The following SDK1 variants were observed in gnomAD, a reference collection of about 807,000 sequenced individuals.
The protein encoded by SDK1 is sidekick cell adhesion molecule 1, also known as protein sidekick-1.
SDK1 carries 157 observed loss-of-function variants against 245.5 expected under a neutral mutation model. That is an observed-to-expected ratio of 0.64 (90% CI 0.56 to 0.73). SDK1 has a LOEUF of 0.73. Among genes scored for constraint, SDK1 ranks in the 30% least tolerant of loss-of-function variants. SDK1 has a pLI of 0.00. For missense variants in SDK1, 3,583 were observed against 3,002.3 expected (o/e 1.19, Z -4.52); for synonymous variants, 1,647 against 1,278.5 (o/e 1.29, Z -6.15).
chr7:3,778,508 T>C (rs1385767697), intron 4 of SDK1, among the ~76,000 whole-genome samples: 1 of 152,250 alleles, frequency 6.6e-6, no homozygotes, highest in Non-Finnish European at 1.5e-5. Flanking sequence ...AATGTTTTTG[T>C]TTCATCTAAC....
At chr7:3,983,815 C>G (rs1786001142) in intron 13 of SDK1, among the ~76,000 whole-genome samples, 1 of 152,026 alleles carries the variant, frequency 6.6e-6, no homozygotes, top group Non-Finnish European at 1.5e-5. Context: ...TGTGATTTAC[C>G]AAAATATCAC....
chr7:3,650,371 T>G (rs933078640), intron 4 of SDK1, among the ~76,000 whole-genome samples: 1 of 152,190 alleles, frequency 6.6e-6, no homozygotes, highest in African/African-American at 2.4e-5. Flanking sequence ...CTCCTTCCCC[T>G]AGTCCCTGGA....
At chr7:3,692,399 T>G (rs1011572354) in intron 4 of SDK1, among the ~76,000 whole-genome samples, 2 of 152,108 alleles carry the variant, frequency 1.3e-5, no homozygotes, top group Non-Finnish European at 2.9e-5. Flanking sequence ...ATTTAGAATT[T>G]GGGATCATAC....
chr7:3,504,182 A>ATGTG (rs56306302), intron 1 of SDK1, among the ~76,000 whole-genome samples: 3,085 of 131,908 alleles, frequency 0.023, 99 homozygotes, highest in African/African-American at 0.067. Context: ...ATATATATAT[A>ATGTG]TGTGTGTGTG....
chr7:4,083,633 T>TTTCC (rs376192792), intron 22 of SDK1, among the ~76,000 whole-genome samples: 1 of 38,324 alleles, frequency 2.6e-5, no homozygotes, highest in East Asian at 9.0e-4. Context: ...CCCTCCCTCC[T>TTTCC]TTCCTTCCTT....
chr7:4,096,911 G>T (rs968965564), intron 22 of SDK1, among the ~76,000 whole-genome samples: 1 of 152,212 alleles, frequency 6.6e-6, no homozygotes, highest in South Asian at 2.1e-4. Flanking sequence ...TGTAGCCCAG[G>T]AAGAGGCAGC....
At chr7:3,633,746 TC>T (rs1782372496) in intron 2 of SDK1, among the ~76,000 whole-genome samples, 1 of 152,200 alleles carries the variant, frequency 6.6e-6, no homozygotes, top group African/African-American at 2.4e-5. Context: ...TTTGAAGGGT[TC>T]TAAAACCACA....
chr7:4,242,210 A>G (rs1009520020), intron 43 of SDK1, among the ~76,000 whole-genome samples: 5 of 152,152 alleles, frequency 3.3e-5, no homozygotes, highest in Admixed American at 3.3e-4. Context: ...CTTCTGTGTC[A>G]ATCGCATGCA....
At chr7:3,983,685 AG>A (rs1436368363) in intron 13 of SDK1, among the ~76,000 whole-genome samples, 6 of 152,230 alleles carry the variant, frequency 3.9e-5, no homozygotes, top group African/African-American at 1.4e-4. Context: ...CTCTATCACA[AG>A]GCCCTTCACA....
intron 4 of SDK1, among the ~76,000 whole-genome samples, chr7:3,647,393 TC>T (rs2128654557): frequency 6.6e-6 from 1 of 152,314 alleles, no homozygotes; most frequent in East Asian, 1.9e-4. Context: ...GGCCAGAGTC[TC>T]TTGCAGTTTA....
At position 4,267,341 on chromosome 7, in the gene SDK1, T is replaced by C; in HGVS notation, c.*1957T>C. 1.0e-6 allele frequency: 1 copy of C among 963,118 alleles called. No homozygotes were observed. 59.7% of individuals were successfully genotyped at this position (963,118 alleles called of 1,614,324 possible). ...CTCCCTTCCTCTCTCCCCTATTCCT[T>C]CTTCCTTTTCTCCTCCTTTTTCTGA... On this transcript the variant is annotated 3_prime_UTR_variant, in exon 45 of 45. Coordinates refer to ENST00000404826, the MANE Select transcript of SDK1 (RefSeq NM_152744.4).
intron 1 of SDK1, among the ~76,000 whole-genome samples, chr7:3,531,853 A>G (rs954202558): frequency 2.0e-5 from 3 of 152,190 alleles, no homozygotes; most frequent in Non-Finnish European, 4.4e-5. Flanking sequence ...TTTGCGGTTC[A>G]GGTAAAAATA....
At chr7:3,619,314 A>C in intron 2 of SDK1, 75 bp downstream of exon 2, 1 of 1,232,158 alleles carries the variant, frequency 8.1e-7, no homozygotes, top group Non-Finnish European at 1.2e-6. Context: ...TGGTCATAAT[A>C]GCACAATGAG....
At chr7:3,969,220 C>G (rs200280961) in intron 10 of SDK1, 37 bp from the exon 11 acceptor site, 15 of 1,522,386 alleles carry the variant, frequency 9.9e-6, no homozygotes, top group East Asian at 2.4e-5. Context: ...TCAAGCGTTA[C>G]GACTGTAACA....
chr7:3,475,378 G>A (rs1172380932), intron 1 of SDK1, among the ~76,000 whole-genome samples: 2 of 152,140 alleles, frequency 1.3e-5, no homozygotes, highest in Non-Finnish European at 2.9e-5. Context: ...TCATTCTCCA[G>A]TCTTCCTCCT....
intron 1 of SDK1, among the ~76,000 whole-genome samples, chr7:3,453,416 C>T (rs564601189): frequency 2.2e-4 from 33 of 152,138 alleles, no homozygotes; most frequent in South Asian, 2.1e-4. Flanking sequence ...AAAGGGTCTT[C>T]GCAGATGTAA....
intron 1 of SDK1, among the ~76,000 whole-genome samples, chr7:3,406,568 T>G (rs1383387998): frequency 6.6e-6 from 1 of 152,184 alleles, no homozygotes; most frequent in African/African-American, 2.4e-5. Context: ...AGTTATTCTA[T>G]AGATCGTTTT....
intron 20 of SDK1, among the ~76,000 whole-genome samples, chr7:4,073,670 G>A (rs879286788): frequency 2.0e-5 from 3 of 152,210 alleles, no homozygotes; most frequent in Non-Finnish European, 4.4e-5. Context: ...GATTGACCAG[G>A]TGTGACCCAC....
rs902111929 is a variant in SDK1 at position 3,717,395 on chromosome 7, A to G, written c.713+75290A>G. 3.0e-4 allele frequency among the ~76,000 whole-genome samples: 46 copies of G among 152,346 alleles called. 1 individual carries two copies. Among genetic ancestry groups the G allele is most frequent in the African/African-American group, 1.1e-3 (46 of 41,578 alleles). Reference sequence around the variant, plus strand: ...AAAGGAAACACTGAACTGAATGAAAAATCAAAATGCAAAACACCATAATTT... The same window carrying G: ...AAAGGAAACACTGAACTGAATGAAAGATCAAAATGCAAAACACCATAATTT... On this transcript the variant is annotated intron_variant, in intron 4 of 44. Transcript: ENST00000404826.
Sources: allele counts gnomAD v4.1 joint callset (sites outside exome capture counted in the v4.1 genomes callset), GRCh38; gene constraint gnomAD v4.1.1; transcripts MANE v1.5; gene names NCBI Gene and HGNC (gene_info 2026-07-23, HGNC 2026-07-21).